UTRN: variants seen among roughly 807,000 people sequenced by gnomAD.
The protein encoded by UTRN is utrophin.
Under a neutral mutation model 463.9 loss-of-function variants are expected in UTRN, and 283 were observed. The observed-to-expected ratio is 0.61, with a 90% CI of 0.55 to 0.67. The LOEUF is 0.67. UTRN is among the 30% of genes least tolerant of loss of function. UTRN has a pLI of 0.00. For synonymous variants in UTRN, 1,442 were observed against 1,431.5 expected (o/e 1.01, Z -0.17); for missense variants, 3,922 against 4,084.3 (o/e 0.96, Z 1.08).
chr6:144,435,840 T>C (rs1786484277), intron 9 of UTRN, 95 bp from the exon 10 acceptor site: 1 of 1,329,498 alleles, frequency 7.5e-7, no homozygotes, highest in South Asian at 1.4e-5. Context: ...TAAGACAGAG[T>C]GGTGGGTACT....
At chr6:144,724,582 T>TAG (rs2128710960) in intron 53 of UTRN, among the ~76,000 whole-genome samples, 1 of 152,088 alleles carries the variant, frequency 6.6e-6, no homozygotes, top group South Asian at 2.1e-4. Flanking sequence ...GTCACTCCTA[T>TAG]CCCTCCCCTC....
chr6:144,501,598 A>C (rs1310043897), intron 34 of UTRN, among the ~76,000 whole-genome samples: 7 of 152,186 alleles, frequency 4.6e-5, no homozygotes, highest in Admixed American at 4.6e-4. Flanking sequence ...ATAGCATATT[A>C]GAGATATGCA....
In UTRN at chr6:144,827,660, GA is replaced by G; in HGVS notation, c.9585del (p.Glu3195AspfsTer48). 6.2e-7 allele frequency: 1 copy of G among 1,613,482 alleles called. No homozygotes were observed. Among genetic ancestry groups the G allele is most frequent in the Non-Finnish European group, 8.5e-7 (1 of 1,179,688 alleles). ...LFHDDTHSRI[E>X]QYATRLAQME... is the part of the protein sequence containing the mutation. ...TCATGATGACACCCATTCAAGAATAGAACAATATGCCACACGGTAAGAAACT... is the reference window on the plus strand; with the variant it reads ...TCATGATGACACCCATTCAAGAATAGACAATATGCCACACGGTAAGAAACT... On this transcript the variant is annotated frameshift_variant, in exon 68 of 75. Transcript: ENST00000367545. LOFTEE classifies it high-confidence loss of function.
At chr6:144,288,252 T>A (rs1803878535) in intron 1 of UTRN, among the ~76,000 whole-genome samples, 2 of 152,182 alleles carry the variant, frequency 1.3e-5, no homozygotes, top group South Asian at 4.1e-4. Flanking sequence ...AAGAGAAAAA[T>A]TTGAAAAATC....
At position 144,480,119 on chromosome 6, in the gene UTRN, A is replaced by G. The variant is rs375469058; in HGVS notation, c.3507+137A>G. ...CACAGTAGGTTTTTGAATTAAAAAA[A>G]CATAACAGGGTAGCTGCTCTAATTT... On this transcript the variant is annotated intron_variant, in intron 26 of 74. Transcript: ENST00000367545. The G allele has an allele frequency of 3.0e-4, 325 of 1,099,010 alleles. 3 individuals are homozygous for G. The African/African-American group carries it at 4.7e-3, about 16-fold the overall frequency. The allele number at this position is 1,099,010 out of a possible 1,614,324, so 68.1% of individuals were successfully genotyped here. A position where few individuals can be genotyped will look rare whatever the true frequency, so the allele number is the denominator to read the frequency against.
chr6:144,504,091 A>C (rs1005021737), intron 34 of UTRN, among the ~76,000 whole-genome samples: 17 of 152,180 alleles, frequency 1.1e-4, no homozygotes, highest in Non-Finnish European at 2.9e-5. Flanking sequence ...TTGATTTTGT[A>C]TCCTGAGACT....
chr6:144,528,605 C>T (rs192564453), intron 41 of UTRN, among the ~76,000 whole-genome samples: 96 of 152,300 alleles, frequency 6.3e-4, no homozygotes, highest in African/African-American at 2.2e-3. Context: ...GGGTGCTGAG[C>T]GGGTACTGGG....
chr6:144,832,022 A>C (rs1303962487), intron 69 of UTRN, among the ~76,000 whole-genome samples: 4 of 152,232 alleles, frequency 2.6e-5, no homozygotes, highest in African/African-American at 4.8e-5. Flanking sequence ...ACTATGTGTG[A>C]CTTAACTGTA....
intron 51 of UTRN, 39 bp from the exon 52 acceptor site, chr6:144,678,367 C>G (rs1211292646): frequency 6.3e-7 from 1 of 1,584,708 alleles, no homozygotes; most frequent in Non-Finnish European, 8.6e-7. Context: ...TATACTGATT[C>G]CTAACACTTG....
At chr6:144,696,455 A>C (rs1326545486) in intron 52 of UTRN, among the ~76,000 whole-genome samples, 1 of 152,182 alleles carries the variant, frequency 6.6e-6, no homozygotes. Flanking sequence ...CATGCTGCTG[A>C]TGTCTACTGT....
At chr6:144,790,636 G>A (rs1246539363) in intron 62 of UTRN, among the ~76,000 whole-genome samples, 1 of 152,202 alleles carries the variant, frequency 6.6e-6, no homozygotes, top group African/African-American at 2.4e-5. Flanking sequence ...CTTTGCCCAA[G>A]ACTTTTGCTT....
intron 34 of UTRN, among the ~76,000 whole-genome samples, chr6:144,504,552 T>C (rs1278238823): frequency 6.6e-6 from 1 of 152,114 alleles, no homozygotes; most frequent in Non-Finnish European, 1.5e-5. Context: ...TTGATTTGTG[T>C]ATGGATTACA....
intron 2 of UTRN, among the ~76,000 whole-genome samples, chr6:144,302,482 C>G (rs1023576206): frequency 1.4e-5 from 2 of 141,244 alleles, no homozygotes; most frequent in Admixed American, 7.0e-5. Flanking sequence ...TGCACTCCAG[C>G]CTGGGCAACA....
chr6:144,410,348 G>T (rs1156326619), intron 3 of UTRN, among the ~76,000 whole-genome samples: 1 of 152,106 alleles, frequency 6.6e-6, no homozygotes. Flanking sequence ...AAGCTATATT[G>T]TTTCCTGAGT....
At chr6:144,376,416 C>G (rs1780467036) in intron 2 of UTRN, among the ~76,000 whole-genome samples, 1 of 151,280 alleles carries the variant, frequency 6.6e-6, no homozygotes, top group Admixed American at 6.6e-5. Flanking sequence ...GATCATGCCA[C>G]TGCACTCCAG....
chr6:144,676,020 C>T lies in UTRN; in HGVS notation c.7480-2386C>T, dbSNP rs1339067600. On this transcript the variant is annotated intron_variant, in intron 51 of 74. Coordinates refer to ENST00000367545, the MANE Select transcript of UTRN (RefSeq NM_007124.3). ...ATAATTCTAATTTTACTTAAACTGC[C>T]CCCAAATGTATTTTATAAAGATAAA... Among the ~76,000 whole-genome samples the T allele has an allele frequency of 3.3e-5, 5 of 151,926 alleles. No homozygotes were observed. In the East Asian group the frequency reaches 9.6e-4, roughly 29 times the overall value.
rs114128992 is a variant in UTRN at position 144,534,937 on chromosome 6, C to T, written c.6233+1677C>T. 2.4e-3 allele frequency among the ~76,000 whole-genome samples: 366 copies of T among 152,170 alleles called. 1 individual carries two copies. Among genetic ancestry groups the T allele is most frequent in the African/African-American group, 8.5e-3 (354 of 41,496 alleles). ...AGGTGGGAGGCATAAATAGCATCGT[C>T]GTGTGAGAGATCTGCAAAGGATTGA... On this transcript the variant is annotated intron_variant, in intron 43 of 74. Transcript: ENST00000367545.
At chr6:144,421,775 T>G (rs1040807026) in intron 3 of UTRN, 103 bp from the exon 4 acceptor site, 28 of 743,006 alleles carry the variant, frequency 3.8e-5, no homozygotes, top group Non-Finnish European at 5.4e-5. Flanking sequence ...TCCACAACAT[T>G]TTAATTGAGC....
chr6:144,391,834 G>A (rs1781959560), intron 2 of UTRN, among the ~76,000 whole-genome samples: 3 of 152,154 alleles, frequency 2.0e-5, no homozygotes, highest in South Asian at 4.1e-4. Flanking sequence ...AAAAATACAG[G>A]GTTTCACCTG....
Sources: gnomAD v4.1 joint callset for allele counts (sites outside exome capture counted in the v4.1 genomes callset) on GRCh38, gnomAD v4.1.1 for gene constraint, MANE v1.5 for transcripts, NCBI Gene and HGNC (gene_info 2026-07-23, HGNC 2026-07-21) for gene names.